The following CANT1 variants were observed in gnomAD, a reference collection of about 807,000 sequenced individuals.
CANT1 encodes calcium activated nucleotidase 1.
CANT1 carries 26 observed loss-of-function variants against 30.0 expected under a neutral mutation model. The observed-to-expected ratio is 0.87, with a 90% CI of 0.64 to 1.20. The LOEUF (loss-of-function observed/expected upper bound fraction) is 1.20. CANT1 is among the 50% of genes most tolerant of loss of function. The probability of loss-of-function intolerance (pLI) is 0.00; values close to 1 mark genes in which losing one functional copy is unlikely to be tolerated. For synonymous variants in CANT1, 246 were observed against 251.8 expected, an observed-to-expected ratio of 0.98 and a Z score of 0.22; for missense variants, 518 against 563.0, an observed-to-expected ratio of 0.92 and a Z score of 0.81.
At position 78,993,119 on chromosome 17, in the gene CANT1, G is replaced by A. The variant is rs1199858608; in HGVS notation, c.*431C>T. ...ACATGATGCTCCAGGCACAGAGTAG[G>A]AAGAAAAGGGGGTGACCTGGGGTTC... On this transcript the variant is annotated 3_prime_UTR_variant, in exon 5 of 5. Coordinates refer to ENST00000392446, the MANE Select transcript of CANT1 (RefSeq NM_001159773.2). This position sits in a 1 kb window ranked among gnomAD's most constrained non-coding sequence, Gnocchi z 4.5. 3 of 352,746 alleles carry A rather than the reference G, an allele frequency of 8.5e-6. No individual in the cohort carries two copies. Among genetic ancestry groups the A allele is most frequent in the Admixed American group, 4.5e-5 (1 of 22,376 alleles). 21.9% of individuals were successfully genotyped at this position (352,746 alleles called of 1,614,324 possible). A position where few individuals can be genotyped will look rare whatever the true frequency, so the allele number is the denominator to read the frequency against.
Position 78,993,615 on chromosome 17 carries a change from C to T in CANT1, c.1141G>A (p.Gly381Arg), listed in dbSNP as rs1236615033. 1.2e-6 allele frequency: 2 copies of T among 1,614,136 alleles called. No homozygotes were observed. Among genetic ancestry groups the T allele is most frequent in the Non-Finnish European group, 8.5e-7 (1 of 1,180,056 alleles). ...ASYIMAFTLD[G>R]RFLLPETKIG... ...TTGGTCTCCGGCAACAGGAAGCGCCCGTCCAGCGTGAAGGCCATGATGTAG... is the reference window on the plus strand; with the variant it reads ...TTGGTCTCCGGCAACAGGAAGCGCCTGTCCAGCGTGAAGGCCATGATGTAG... The change falls in exon 5 of 5, where the codon GGG becomes AGG. Residue 381 changes from glycine (G) to arginine (R), a missense_variant. Transcript: ENST00000392446. The surrounding 1 kb of genome is among the most constrained non-coding windows in gnomAD (Gnocchi z 4.5).
rs749732018 is a variant in CANT1 at position 78,993,389 on chromosome 17, G to A, written c.*161C>T. On this transcript the variant is annotated 3_prime_UTR_variant, in exon 5 of 5. Coordinates refer to ENST00000392446, the MANE Select transcript of CANT1 (RefSeq NM_001159773.2). The surrounding 1 kb of genome is among the most constrained non-coding windows in gnomAD (Gnocchi z 4.5). Reference sequence around the variant, plus strand: ...GACCGCGGCCTCCGTGGGGCCCGGGGGTCCAGTGCCCGCACCACTATGGGG... The same window carrying A: ...GACCGCGGCCTCCGTGGGGCCCGGGAGTCCAGTGCCCGCACCACTATGGGG... The A allele has an allele frequency of 2.0e-6, 2 of 1,013,482 alleles. No homozygotes were observed. Among genetic ancestry groups the A allele is most frequent in the Non-Finnish European group, 2.9e-6 (2 of 683,712 alleles). The allele number at this position is 1,013,482 out of a possible 1,614,324, so 62.8% of individuals were successfully genotyped here. A position where few individuals can be genotyped will look rare whatever the true frequency, so the allele number is the denominator to read the frequency against.
At chr17:78,999,450 T>G (rs893750844) in intron 1 of CANT1, among the ~76,000 whole-genome samples, 1 of 152,266 alleles carries the variant, frequency 6.6e-6, no homozygotes, top group Middle Eastern at 3.4e-3. Context: ...GAGCTCGAAT[T>G]ACTCTATCTT....
Position 78,995,036 on chromosome 17 carries a change from C to G in CANT1, c.817G>C (p.Ala273Pro). The G allele has an allele frequency of 1.3e-6, 2 of 1,580,662 alleles. No homozygotes were observed. The highest frequency in any genetic ancestry group is 1.7e-6 in the Non-Finnish European group (2 of 1,163,588). ...VSNYNALRAA[A>P]GIQPPGYLIH... is the part of the protein sequence containing the mutation. Reference sequence around the variant, plus strand: ...CTCTTACCTGGCGGCTGGATGCCGGCAGCAGCCCGCAGGGCGTTGTAGTTG... The same window carrying G: ...CTCTTACCTGGCGGCTGGATGCCGGGAGCAGCCCGCAGGGCGTTGTAGTTG... The change falls in exon 4 of 5, where the codon GCC becomes CCC. Residue 273 changes from alanine to proline, a missense_variant. By Grantham distance (27) the Ala-to-Pro change is conservative. This residue lies in a region of CANT1 where 221 missense variants were observed against 211.8 expected (regional missense o/e 1.04). Transcript: ENST00000392446. The surrounding 1 kb of genome is among the most constrained non-coding windows in gnomAD (Gnocchi z 5.7).
chr17:79,006,340 A>C (rs1444945533), intron 1 of CANT1: 1 of 151,964 alleles, frequency 6.6e-6, no homozygotes, highest in Non-Finnish European at 1.5e-5. Context: ...GTTCTTAAGG[A>C]CCCTGTGATT....
chr17:79,009,224 G>A (rs769837138), intron 1 of CANT1, among the ~76,000 whole-genome samples: 3 of 145,362 alleles, frequency 2.1e-5, no homozygotes, highest in Middle Eastern at 6.8e-3. Flanking sequence ...GTAATCAGAG[G>A]GGGATGGTCC....
Position 78,993,467 on chromosome 17 carries a change from GAACAA to G in CANT1, c.*78_*82del. 1.9e-6 allele frequency: 3 copies of G among 1,599,164 alleles called. No individual in the cohort carries two copies. The highest frequency in any genetic ancestry group is 1.7e-5 in the Admixed American group (1 of 59,676). On this transcript the variant is annotated 3_prime_UTR_variant, in exon 5 of 5. Transcript: ENST00000392446. The surrounding 1 kb of genome is among the most constrained non-coding windows in gnomAD (Gnocchi z 4.5). ...TCCAACCCAGGCACAGTTCCAAAAAGAACAAAACAAAACAAAAGTGCACTCCTCTT... is the reference window on the plus strand; with the variant it reads ...TCCAACCCAGGCACAGTTCCAAAAAGAACAAAACAAAAGTGCACTCCTCTT...
At position 78,992,737 on chromosome 17, in the gene CANT1, C is replaced by G. The variant is rs535754990; in HGVS notation, c.*813G>C. 119 of 596,234 alleles carry G rather than the reference C, an allele frequency of 2.0e-4. No homozygotes were observed. The highest frequency in any genetic ancestry group is 1.1e-3 in the Middle Eastern group (4 of 3,628). 36.9% of individuals were successfully genotyped at this position (596,234 alleles called of 1,614,324 possible). A position where few individuals can be genotyped will look rare whatever the true frequency, so the allele number is the denominator to read the frequency against. ...TGAGACTTGCTTCACCAGCCGCCACCGCTTCCTTACAATCTCCCGCACTGC... is the reference window on the plus strand; with the variant it reads ...TGAGACTTGCTTCACCAGCCGCCACGGCTTCCTTACAATCTCCCGCACTGC... On this transcript the variant is annotated 3_prime_UTR_variant, in exon 5 of 5. Transcript: ENST00000392446.
Position 78,995,937 on chromosome 17 carries a change from C to A in CANT1, c.632-716G>T, listed in dbSNP as rs1041256724. The stretch of plus-strand genomic sequence containing the variant: ...CCTGCGGTCTCCTGGTCTGCTTGTG[C>A]GATGAGACATTCTCCATGCCAGGGT... On this transcript the variant is annotated intron_variant, in intron 3 of 4. Transcript: ENST00000392446. This position sits in a 1 kb window ranked among gnomAD's most constrained non-coding sequence, Gnocchi z 5.7. Among the ~76,000 whole-genome samples the A allele has an allele frequency of 1.3e-5, 2 of 152,026 alleles. No individual in the cohort carries two copies. The highest frequency in any genetic ancestry group is 2.4e-5 in the African/African-American group (1 of 41,386).
intron 1 of CANT1, among the ~76,000 whole-genome samples, chr17:78,999,931 G>A (rs1249159672): frequency 1.3e-5 from 2 of 151,972 alleles, no homozygotes; most frequent in Non-Finnish European, 1.5e-5. Flanking sequence ...AGGATTACAG[G>A]TGTGAGCCAA....
chr17:78,993,491 T>A lies in CANT1; in HGVS notation c.*59A>T, dbSNP rs2070903904. 3 of 1,610,032 alleles carry A rather than the reference T, an allele frequency of 1.9e-6. No homozygotes were observed. The African/African-American group carries it at 4.0e-5, about 22-fold the overall frequency. On this transcript the variant is annotated 3_prime_UTR_variant, in exon 5 of 5. Transcript: ENST00000392446. The surrounding 1 kb of genome is among the most constrained non-coding windows in gnomAD (Gnocchi z 4.5). Reference sequence around the variant, plus strand: ...AGAACAAAACAAAACAAAAGTGCACTCCTCTTGTTTTTATAAAAGCTGAGT... The same window carrying A: ...AGAACAAAACAAAACAAAAGTGCACACCTCTTGTTTTTATAAAAGCTGAGT...
chr17:79,003,357 A>T (rs2071333897), intron 1 of CANT1, among the ~76,000 whole-genome samples: 1 of 150,208 alleles, frequency 6.7e-6, no homozygotes, highest in African/African-American at 2.5e-5. Context: ...ATGCTGGTGT[A>T]TGAGCTACCA....
intron 1 of CANT1, among the ~76,000 whole-genome samples, chr17:78,999,171 G>A (rs1349994532): frequency 6.6e-6 from 1 of 152,190 alleles, no homozygotes; most frequent in African/African-American, 2.4e-5. Flanking sequence ...AGGCACATAC[G>A]TGGAACCTGC....
rs4789847 is a variant in CANT1 at position 79,008,562 on chromosome 17, A to C, written c.-147+1102T>G. Among the ~76,000 whole-genome samples, 1 of 152,070 alleles carries C rather than the reference A, an allele frequency of 6.6e-6. No homozygotes were observed. Among genetic ancestry groups the C allele is most frequent in the Non-Finnish European group, 1.5e-5 (1 of 68,018 alleles). On this transcript the variant is annotated intron_variant, in intron 1 of 4. Coordinates refer to ENST00000392446, the MANE Select transcript of CANT1 (RefSeq NM_001159773.2). The surrounding 1 kb of genome is among the most constrained non-coding windows in gnomAD (Gnocchi z 4.4). ...GGGCATACAACCTCAAGAATAAAAT[A>C]AGAAATGGAGCTGGGACACTAAGAG...
intron 4 of CANT1, 147 bp downstream of exon 4, chr17:78,994,871 G>A (rs960836986): frequency 1.2e-5 from 10 of 839,138 alleles, no homozygotes; most frequent in Middle Eastern, 6.9e-4. Context: ...AGTGAGCTGA[G>A]ATCGTGCCAC....
At chr17:79,004,186 A>G (rs1327760946) in intron 1 of CANT1, among the ~76,000 whole-genome samples, 3 of 7,342 alleles carry the variant, frequency 4.1e-4, no homozygotes, top group African/African-American at 1.4e-3. Context: ...GGGAGAGGGG[A>G]GTTAGGGAGA....
At position 78,997,203 on chromosome 17, in the gene CANT1, C is replaced by T; in HGVS notation, c.420G>A (p.Gly140=). The part of the protein sequence containing the change: ...KKGYLTLSDS[G]DKVAVEWDKD... Reference sequence around the variant, plus strand: ...TGTCCCATTCCACGGCCACCTTGTCCCCACTGTCTGACAGGGTCAGGTAGC... The same window carrying T: ...TGTCCCATTCCACGGCCACCTTGTCTCCACTGTCTGACAGGGTCAGGTAGC... Residue 140 remains glycine (G), a synonymous_variant, in exon 3 of 5, where the codon GGG becomes GGA. Coordinates refer to ENST00000392446, the MANE Select transcript of CANT1 (RefSeq NM_001159773.2). This position sits in a 1 kb window ranked among gnomAD's most constrained non-coding sequence, Gnocchi z 7.5. 6.2e-7 allele frequency: 1 copy of T among 1,614,226 alleles called. No homozygotes were observed. The highest frequency in any genetic ancestry group is 8.5e-7 in the Non-Finnish European group (1 of 1,180,056).
Position 78,995,936 on chromosome 17 carries a change from G to T in CANT1, c.632-715C>A, listed in dbSNP as rs2071020778. Among the ~76,000 whole-genome samples the T allele has an allele frequency of 6.6e-6, 1 of 152,064 alleles. No homozygotes were observed. The highest frequency in any genetic ancestry group is 2.1e-4 in the South Asian group (1 of 4,822). ...ACCTGCGGTCTCCTGGTCTGCTTGT[G>T]CGATGAGACATTCTCCATGCCAGGG... On this transcript the variant is annotated intron_variant, in intron 3 of 4. Transcript: ENST00000392446. The surrounding 1 kb of genome is among the most constrained non-coding windows in gnomAD (Gnocchi z 5.7).
In CANT1 at chr17:78,996,183, G is replaced by A. The variant is rs1402916433; in HGVS notation, c.631+809C>T. On this transcript the variant is annotated intron_variant, in intron 3 of 4. Coordinates refer to ENST00000392446, the MANE Select transcript of CANT1 (RefSeq NM_001159773.2). This position sits in a 1 kb window ranked among gnomAD's most constrained non-coding sequence, Gnocchi z 5.1. ...AACACTGAAGATTTTATCACCGGGT[G>A]TGGGGAGGGCCTGGCCGGCCATGAA... 6.6e-6 allele frequency among the ~76,000 whole-genome samples: 1 copy of A among 152,226 alleles called. No individual in the cohort carries two copies. Among genetic ancestry groups the A allele is most frequent in the Non-Finnish European group, 1.5e-5 (1 of 68,024 alleles).
Sources: allele counts gnomAD v4.1 joint callset (sites outside exome capture counted in the v4.1 genomes callset), GRCh38; gene constraint gnomAD v4.1.1; regional missense constraint gnomAD v4.1.1; non-coding constraint Gnocchi (gnomAD v3.1); transcripts MANE v1.5; gene names NCBI Gene and HGNC (gene_info 2026-07-23, HGNC 2026-07-21).